Variants in POU6F1 observed in about 807,000 individuals in gnomAD.
POU6F1 encodes POU class 6 homeobox 1, also known as POU domain, class 6, transcription factor 1.
POU6F1 carries 9 observed loss-of-function variants against 28.9 expected under a neutral mutation model. That is an observed-to-expected ratio of 0.31 (90% CI 0.19 to 0.54). The LOEUF is 0.54. POU6F1 is among the 20% of genes least tolerant of loss of function. The pLI, the probability that POU6F1 is intolerant of heterozygous loss-of-function variation, is 0.94. For synonymous variants in POU6F1, 173 were observed against 171.1 expected, an observed-to-expected ratio of 1.01 and a Z score of -0.09; for missense variants, 338 against 426.1, an observed-to-expected ratio of 0.79 and a Z score of 1.82.
At chr12:51,209,803 G>A (rs1943867099) in intron 1 of POU6F1, among the ~76,000 whole-genome samples, 1 of 152,092 alleles carries the variant, frequency 6.6e-6, no homozygotes, top group African/African-American at 2.4e-5. Flanking sequence ...AGCAATTCCA[G>A]GTACCTAACA....
intron 1 of POU6F1, among the ~76,000 whole-genome samples, chr12:51,216,296 C>G (rs112874818): frequency 2.0e-5 from 3 of 152,224 alleles, no homozygotes; most frequent in Non-Finnish European, 2.9e-5. Flanking sequence ...AAAAACCTTA[C>G]AGGAGCAAAT....
Position 51,204,279 on chromosome 12 carries a change from C to T in POU6F1, c.138G>A (p.Leu46=), listed in dbSNP as rs1943420154. 3 of 399,074 alleles carry T rather than the reference C, an allele frequency of 7.5e-6. No individual in the cohort carries two copies. Among genetic ancestry groups the T allele is most frequent in the African/African-American group, 6.2e-5 (3 of 48,632 alleles). 24.7% of individuals were successfully genotyped at this position (399,074 alleles called of 1,614,324 possible). A position where few individuals can be genotyped will look rare whatever the true frequency, so the allele number is the denominator to read the frequency against. Residue 46 remains leucine, a synonymous_variant, in exon 3 of 11, where the codon CTG becomes CTA. Coordinates refer to ENST00000333640, the MANE Select transcript of POU6F1 (RefSeq NM_001330422.2). ...GGGAGCCCTCGGCGGCCACACCCTC[C>T]AGTCCTTTGCTCTCTTCCTCAGCAG... ...QLPAEEESKG[L]EGVAAEGSQS... is the part of the protein sequence containing the mutation.
chr12:51,204,297 C>T lies in POU6F1; in HGVS notation c.120G>A (p.Glu40=), dbSNP rs1943421397. 5.0e-6 allele frequency: 2 copies of T among 399,090 alleles called. No homozygotes were observed. Among genetic ancestry groups the T allele is most frequent in the South Asian group, 2.5e-4 (2 of 7,866 alleles). The allele number at this position is 399,090 out of a possible 1,614,324, so 24.7% of individuals were successfully genotyped here. A position where few individuals can be genotyped will look rare whatever the true frequency, so the allele number is the denominator to read the frequency against. Reference sequence around the variant, plus strand: ...CACCCTCCAGTCCTTTGCTCTCTTCCTCAGCAGGGAGTTGGGCATCCACTC... The same window carrying T: ...CACCCTCCAGTCCTTTGCTCTCTTCTTCAGCAGGGAGTTGGGCATCCACTC... ...EVGVDAQLPA[E]EESKGLEGVA... is the part of the protein sequence containing the mutation. The change falls in exon 3 of 11, where the codon GAG becomes GAA. Residue 40 remains glutamate, a synonymous_variant. Coordinates refer to ENST00000333640, the MANE Select transcript of POU6F1 (RefSeq NM_001330422.2).
intron 2 of POU6F1, among the ~76,000 whole-genome samples, chr12:51,206,440 A>C (rs1943623782): frequency 6.6e-6 from 1 of 150,834 alleles, no homozygotes; most frequent in Non-Finnish European, 1.5e-5. Flanking sequence ...ACAAACAAAC[A>C]AACAAACAAA....
chr12:51,196,229 C>T, intron 7 of POU6F1, 56 bp from the exon 8 acceptor site: 11 of 1,359,686 alleles, frequency 8.1e-6, no homozygotes, highest in Non-Finnish European at 1.1e-5. Flanking sequence ...AGCTCCACCC[C>T]AAACCCAGAT....
At chr12:51,209,556 T>C (rs754070742) in intron 1 of POU6F1, among the ~76,000 whole-genome samples, 1 of 152,258 alleles carries the variant, frequency 6.6e-6, no homozygotes, top group Non-Finnish European at 1.5e-5. Flanking sequence ...TGGGTTGTTC[T>C]ACCTTTTGGC....
intron 1 of POU6F1, among the ~76,000 whole-genome samples, chr12:51,214,645 T>C (rs937217989): frequency 6.6e-6 from 1 of 151,826 alleles, no homozygotes; most frequent in Non-Finnish European, 1.5e-5. Context: ...ACCAAATAAA[T>C]AGGAGAGTAG....
At chr12:51,191,460 ATG>A in intron 10 of POU6F1, 134 bp downstream of exon 10, 2 of 1,051,292 alleles carry the variant, frequency 1.9e-6, no homozygotes, top group Non-Finnish European at 1.3e-6. Flanking sequence ...TACCCTTAAG[ATG>A]GTCTTCCTTA....
rs7136904 is a variant in POU6F1, at chr12:51,192,355, G to A, written c.1296C>T (p.Thr432=). 181 of 1,614,130 alleles carry A rather than the reference G, an allele frequency of 1.1e-4. No individual in the cohort carries two copies. The African/African-American group carries it at 2.3e-3, about 20-fold the overall frequency. The change falls in exon 9 of 11, where the codon ACC becomes ACT. Residue 432 remains threonine, a synonymous_variant. Coordinates refer to ENST00000333640, the MANE Select transcript of POU6F1 (RefSeq NM_001330422.2). ...SAPIPITCSE[T]PTVSQLVSKP... ...TGGACACCAACTGGCTGACGGTGGG[G>A]GTCTCTGAGCAGGTAATTGGGATAG...
chr12:51,211,566 G>T (rs1458470272), intron 1 of POU6F1, among the ~76,000 whole-genome samples: 2 of 152,056 alleles, frequency 1.3e-5, no homozygotes, highest in Non-Finnish European at 2.9e-5. Context: ...AATGCAGGGA[G>T]ACTCTGTCTC....
intron 4 of POU6F1, among the ~76,000 whole-genome samples, 193 bp from the exon 5 acceptor site, chr12:51,198,968 G>A (rs1943026060): frequency 6.6e-6 from 1 of 152,206 alleles, no homozygotes; most frequent in Admixed American, 6.5e-5. Context: ...TGCCTGGACC[G>A]ACTATCCTGC....
intron 2 of POU6F1, among the ~76,000 whole-genome samples, chr12:51,205,210 T>A (rs1419564145): frequency 6.6e-6 from 1 of 151,320 alleles, no homozygotes; most frequent in Non-Finnish European, 1.5e-5. Context: ...CGGCTAATTT[T>A]TTTGTATTTT....
At chr12:51,214,296 T>A (rs967263646) in intron 1 of POU6F1, among the ~76,000 whole-genome samples, 3 of 152,144 alleles carry the variant, frequency 2.0e-5, no homozygotes, top group Non-Finnish European at 4.4e-5. Context: ...TTTTTATCTA[T>A]ATGTACATAG....
intron 9 of POU6F1, among the ~76,000 whole-genome samples, 171 bp downstream of exon 9, chr12:51,192,159 C>A (rs79220187): frequency 3.9e-5 from 6 of 152,194 alleles, no homozygotes; most frequent in Admixed American, 2.6e-4. Flanking sequence ...TGTCATCGTG[C>A]CCAAACTCCA....
At chr12:51,200,386 C>G (rs893133850) in intron 3 of POU6F1, among the ~76,000 whole-genome samples, 6 of 152,172 alleles carry the variant, frequency 3.9e-5, no homozygotes, top group Admixed American at 3.9e-4. Flanking sequence ...GAAAATTGGA[C>G]AGGTCTGTGC....
At chr12:51,203,268 G>A (rs1354708273) in intron 3 of POU6F1, among the ~76,000 whole-genome samples, 1 of 152,068 alleles carries the variant, frequency 6.6e-6, no homozygotes, top group Non-Finnish European at 1.5e-5. Flanking sequence ...CGAAGTGAGG[G>A]CATGATGAAT....
intron 2 of POU6F1, among the ~76,000 whole-genome samples, chr12:51,206,578 T>G (rs1234138419): frequency 6.6e-6 from 1 of 152,122 alleles, no homozygotes; most frequent in Non-Finnish European, 1.5e-5. Context: ...AAACATATTA[T>G]GTACACTTTG....
At chr12:51,191,078 T>C (rs1321556989) in intron 10 of POU6F1, among the ~76,000 whole-genome samples, 1 of 152,214 alleles carries the variant, frequency 6.6e-6, no homozygotes, top group Non-Finnish European at 1.5e-5. Flanking sequence ...GGCAGGCAGA[T>C]GAAACCTTTT....
intron 1 of POU6F1, among the ~76,000 whole-genome samples, chr12:51,215,922 T>G (rs1370963351): frequency 2.0e-5 from 3 of 152,242 alleles, no homozygotes; most frequent in African/African-American, 7.2e-5. Flanking sequence ...GGGCCTAGCA[T>G]GAAGCAAACA....
Sources: allele counts gnomAD v4.1 joint callset (sites outside exome capture counted in the v4.1 genomes callset), GRCh38; gene constraint gnomAD v4.1.1; transcripts MANE v1.5; gene names NCBI Gene and HGNC (gene_info 2026-07-23, HGNC 2026-07-21).